Variants in MYO3B observed in about 807,000 individuals in gnomAD.
MYO3B encodes myosin IIIB, also known as myosin-IIIb.
In MYO3B, 156 loss-of-function variants were observed where a neutral mutation model predicts 174.6. The ratio of observed to expected loss-of-function variants is 0.89; its 90% confidence interval spans 0.78 to 1.02. The LOEUF (loss-of-function observed/expected upper bound fraction) is 1.02. MYO3B is among the 50% of genes least tolerant of loss of function. MYO3B has a pLI of 0.00. For synonymous variants in MYO3B, 563 were observed against 569.1 expected (o/e 0.99, Z 0.15); for missense variants, 1,632 against 1,639.4 (o/e 1.00, Z 0.08).
chr2:170,551,538 CAAAAAAAAAA>C (rs3072763), intron 32 of MYO3B, among the ~76,000 whole-genome samples: 2 of 56,202 alleles, frequency 3.6e-5, no homozygotes, highest in African/African-American at 1.3e-4. Flanking sequence ...TGACTTTTTG[CAAAAAAAAAA>C]AAAAAAAAAA....
Position 170,386,262 on chromosome 2 carries a change from T to C in MYO3B, c.1364T>C (p.Phe455Ser), listed in dbSNP as rs1256244278. The C allele has an allele frequency of 3.1e-6, 5 of 1,613,192 alleles. No individual in the cohort carries two copies. In the East Asian group the frequency reaches 8.9e-5, roughly 29 times the overall value. Residue 455 changes from phenylalanine (F) to serine (S), a missense_variant, in exon 13 of 35, where the codon TTC (phenylalanine) becomes TCC (serine). By Grantham distance (155) the Phe-to-Ser change is radical (BLOSUM62 -2). Coordinates refer to ENST00000408978, the MANE Select transcript of MYO3B (RefSeq NM_138995.5). ...CACCTGATTGTTCAGCATTTGACTT[T>C]CTTGGGAAAGGTATTGACTAATCTG... is the stretch of plus-strand genomic sequence containing the variant. ...SAHLIVQHLT[F>S]LGKANNQTLR...
At chr2:170,269,178 T>C (rs560766020) in intron 7 of MYO3B, among the ~76,000 whole-genome samples, 53 of 152,302 alleles carry the variant, frequency 3.5e-4, no homozygotes, top group African/African-American at 1.1e-3. Flanking sequence ...TTTAAAGATA[T>C]GTACTTTTCA....
At chr2:170,463,534 AC>A (rs763343985) in intron 24 of MYO3B, 89 bp downstream of exon 24, 135 of 1,135,196 alleles carry the variant, frequency 1.2e-4, no homozygotes, top group Non-Finnish European at 1.6e-4. Flanking sequence ...AGTCAGTGAA[AC>A]AAGGGCAAAG....
rs372064157 is a variant in MYO3B at position 170,372,418 on chromosome 2, T to A, written c.971+3041T>A. On this transcript the variant is annotated intron_variant, in intron 9 of 34. Transcript: ENST00000408978. ...CCTCTTGCCCATAATCTGTGCAAATTCATCTTTTTACTTACTGTACAAGAT... is the reference window on the plus strand; with the variant it reads ...CCTCTTGCCCATAATCTGTGCAAATACATCTTTTTACTTACTGTACAAGAT... 8.1e-4 allele frequency among the ~76,000 whole-genome samples: 123 copies of A among 152,356 alleles called. 4 individuals are homozygous for A. The South Asian group carries it at 0.025, about 31-fold the overall frequency.
intron 32 of MYO3B, among the ~76,000 whole-genome samples, chr2:170,597,997 A>G (rs532478293): frequency 6.6e-6 from 1 of 152,322 alleles, no homozygotes; most frequent in South Asian, 2.1e-4. Context: ...GGACAGCTAA[A>G]ATGATTAATT....
rs1225602616 is a variant in MYO3B, at chr2:170,472,672, TCTATTTATTTA to T, written c.3014+5962_3014+5972del. Among the ~76,000 whole-genome samples the T allele has an allele frequency of 1.4e-3, 192 of 141,004 alleles. 5 individuals carry two copies. In the South Asian group the frequency reaches 0.044, roughly 32 times the overall value. The allele number at this position is 141,004 out of a possible 152,430, so 92.5% of individuals were successfully genotyped here. ...GGGATATTTTTCAGCTCACTTTTTA[TCTATTTATTTA>T]TTTATTTATTTATTTATTTATTTAT... On this transcript the variant is annotated intron_variant, in intron 25 of 34. Coordinates refer to ENST00000408978, the MANE Select transcript of MYO3B (RefSeq NM_138995.5).
At chr2:170,598,404 C>T (rs1251752760) in intron 32 of MYO3B, among the ~76,000 whole-genome samples, 1 of 152,238 alleles carries the variant, frequency 6.6e-6, no homozygotes, top group African/African-American at 2.4e-5. Context: ...AAACAGAGTG[C>T]AGTTTGGTCA....
At chr2:170,632,416 T>G (rs1459661792) in intron 32 of MYO3B, among the ~76,000 whole-genome samples, 3 of 152,110 alleles carry the variant, frequency 2.0e-5, no homozygotes, top group Non-Finnish European at 4.4e-5. Flanking sequence ...AATAAAGATG[T>G]TCTTTGAAAC....
At chr2:170,648,717 AAT>A (rs1258444791) in intron 32 of MYO3B, among the ~76,000 whole-genome samples, 2 of 42,102 alleles carry the variant, frequency 4.8e-5, no homozygotes, top group Admixed American at 4.9e-4. Context: ...TATTCTATAT[AAT>A]ATGTAAAATA....
At chr2:170,322,813 A>C (rs2093838496) in intron 7 of MYO3B, among the ~76,000 whole-genome samples, 1 of 152,146 alleles carries the variant, frequency 6.6e-6, no homozygotes, top group Non-Finnish European at 1.5e-5. Flanking sequence ...GATTGCTCTA[A>C]GGAACTGTAC....
chr2:170,499,245 A>G (rs969785828), intron 26 of MYO3B, among the ~76,000 whole-genome samples: 2 of 152,218 alleles, frequency 1.3e-5, no homozygotes, highest in Non-Finnish European at 2.9e-5. Flanking sequence ...AAATTAGATC[A>G]CTGTGGATCA....
At chr2:170,426,195 G>A (rs966637423) in intron 22 of MYO3B, among the ~76,000 whole-genome samples, 5 of 151,710 alleles carry the variant, frequency 3.3e-5, no homozygotes, top group Admixed American at 6.6e-5. Context: ...AGATAAACAG[G>A]GGGTGCTGGG....
At chr2:170,303,472 AT>A (rs1318485022) in intron 7 of MYO3B, among the ~76,000 whole-genome samples, 1 of 151,988 alleles carries the variant, frequency 6.6e-6, no homozygotes, top group Non-Finnish European at 1.5e-5. Flanking sequence ...TATATTTATA[AT>A]TTTTCTTAAC....
At chr2:170,404,181 C>T in intron 19 of MYO3B, 66 bp from the exon 20 acceptor site, 2 of 1,490,766 alleles carry the variant, frequency 1.3e-6, no homozygotes, top group Non-Finnish European at 1.8e-6. Context: ...AAGTCCATGT[C>T]AAAGTATCCT....
intron 32 of MYO3B, among the ~76,000 whole-genome samples, chr2:170,604,037 A>G (rs1301415285): frequency 2.0e-5 from 3 of 152,250 alleles, no homozygotes; most frequent in Non-Finnish European, 2.9e-5. Flanking sequence ...AAAACAACAC[A>G]TTATACCATA....
At chr2:170,485,992 G>T (rs920633595) in intron 25 of MYO3B, among the ~76,000 whole-genome samples, 2 of 150,724 alleles carry the variant, frequency 1.3e-5, no homozygotes, top group East Asian at 1.9e-4. Flanking sequence ...TTCTGATTCA[G>T]TGAGAAAGAA....
chr2:170,491,343 G>A (rs1686452821), intron 25 of MYO3B, among the ~76,000 whole-genome samples: 1 of 152,098 alleles, frequency 6.6e-6, no homozygotes, highest in African/African-American at 2.4e-5. Flanking sequence ...AAATTTTCCA[G>A]ATATCTTTCT....
At chr2:170,518,262 C>G (rs921764764) in intron 29 of MYO3B, among the ~76,000 whole-genome samples, 2 of 152,330 alleles carry the variant, frequency 1.3e-5, no homozygotes, top group Non-Finnish European at 2.9e-5. Context: ...CACTCCATTT[C>G]TATCATGTAT....
intron 7 of MYO3B, among the ~76,000 whole-genome samples, chr2:170,295,376 TC>T (rs982107378): frequency 1.9e-4 from 29 of 151,656 alleles, no homozygotes; most frequent in African/African-American, 7.0e-4. Flanking sequence ...GTTTCTCTTT[TC>T]CCCCATCTAT....
Sources: allele counts gnomAD v4.1 joint callset (sites outside exome capture counted in the v4.1 genomes callset), GRCh38; gene constraint gnomAD v4.1.1; transcripts MANE v1.5; gene names NCBI Gene and HGNC (gene_info 2026-07-23, HGNC 2026-07-21).